The following SIPA1L1 variants were observed in gnomAD, a reference collection of about 807,000 sequenced individuals.
SIPA1L1 encodes signal induced proliferation associated 1 like 1, also known as signal-induced proliferation-associated 1-like protein 1.
SIPA1L1 carries 26 observed loss-of-function variants against 162.7 expected under a neutral mutation model. The observed-to-expected ratio is 0.16, with a 90% CI of 0.12 to 0.22. The LOEUF (loss-of-function observed/expected upper bound fraction) is 0.22, where lower values mean the gene tolerates loss of function less well. Ranked by LOEUF, SIPA1L1 falls within the 10% of genes least tolerant of loss-of-function variation. The probability of loss-of-function intolerance (pLI) is 1.00; values close to 1 mark genes in which losing one functional copy is unlikely to be tolerated. For synonymous variants in SIPA1L1, 829 were observed against 837.4 expected, an observed-to-expected ratio of 0.99 and a Z score of 0.17; for missense variants, 1,874 against 2,241.0, an observed-to-expected ratio of 0.84 and a Z score of 3.31.
chr14:71,403,339 C>A (rs1212513264), intron 2 of SIPA1L1, among the ~76,000 whole-genome samples: 1 of 152,116 alleles, frequency 6.6e-6, no homozygotes, highest in Non-Finnish European at 1.5e-5. Context: ...GTGGCTCACG[C>A]CTGTAATCCC....
intron 2 of SIPA1L1, among the ~76,000 whole-genome samples, chr14:71,492,616 G>C (rs573128780): frequency 6.6e-6 from 1 of 152,090 alleles, no homozygotes; most frequent in South Asian, 2.1e-4. Flanking sequence ...GCTCTTTAGT[G>C]GTCAGAATAT....
At chr14:71,670,479 G>A (rs149661129) in intron 10 of SIPA1L1, among the ~76,000 whole-genome samples, 5 of 152,264 alleles carry the variant, frequency 3.3e-5, no homozygotes, top group East Asian at 1.9e-4. Context: ...ATTTTAAAGC[G>A]TTGTTGCTAT....
At chr14:71,663,626 T>G (rs1405598777) in intron 10 of SIPA1L1, among the ~76,000 whole-genome samples, 1 of 152,240 alleles carries the variant, frequency 6.6e-6, no homozygotes, top group Non-Finnish European at 1.5e-5. Flanking sequence ...AGGTATGTTC[T>G]CCTTCTTCAG....
At chr14:71,735,166 C>A (rs1220024182) in intron 21 of SIPA1L1, 111 bp from the exon 22 acceptor site, 2 of 719,340 alleles carry the variant, frequency 2.8e-6, no homozygotes, top group Non-Finnish European at 5.0e-6. Context: ...CCAGTGCATC[C>A]TGCACTGGAA....
chr14:71,495,886 C>CAAAAAAAAAAAAAA (rs61183823), intron 2 of SIPA1L1, among the ~76,000 whole-genome samples: 1 of 38,006 alleles, frequency 2.6e-5, no homozygotes, highest in Admixed American at 3.7e-4. Flanking sequence ...TCCATCTCTA[C>CAAAAAAAAAAAAAA]AAAAAAAAAA....
chr14:71,473,537 G>C (rs997909737), intron 2 of SIPA1L1, among the ~76,000 whole-genome samples: 1 of 152,110 alleles, frequency 6.6e-6, no homozygotes, highest in Non-Finnish European at 1.5e-5. Context: ...ACTGTTCTTT[G>C]GTTTTTTCTT....
chr14:71,367,055 G>C (rs963980807), intron 2 of SIPA1L1, among the ~76,000 whole-genome samples: 59 of 152,072 alleles, frequency 3.9e-4, no homozygotes, highest in African/African-American at 1.3e-3. Flanking sequence ...ATGCATGTAA[G>C]TGCATAAATA....
intron 2 of SIPA1L1, among the ~76,000 whole-genome samples, chr14:71,510,206 G>A (rs1437366721): frequency 3.5e-5 from 3 of 85,830 alleles, no homozygotes; most frequent in Non-Finnish European, 6.3e-5. Context: ...TTTTTTGTGA[G>A]ATGGAGTTTC....
intron 2 of SIPA1L1, among the ~76,000 whole-genome samples, chr14:71,418,931 C>T (rs1455175263): frequency 1.3e-5 from 2 of 152,082 alleles, no homozygotes; most frequent in Non-Finnish European, 2.9e-5. Flanking sequence ...GAGAATGTAG[C>T]GTTGAATGTC....
chr14:71,595,110 A>C (rs2035883294), intron 5 of SIPA1L1, among the ~76,000 whole-genome samples: 1 of 152,178 alleles, frequency 6.6e-6, no homozygotes, highest in African/African-American at 2.4e-5. Flanking sequence ...AGCTGCTTAA[A>C]AGGGCGTGGG....
intron 2 of SIPA1L1, among the ~76,000 whole-genome samples, chr14:71,414,809 G>A (rs896350595): frequency 1.3e-5 from 2 of 152,122 alleles, no homozygotes; most frequent in African/African-American, 4.8e-5. Context: ...TTTGACTGAC[G>A]TATACTGGTA....
intron 2 of SIPA1L1, among the ~76,000 whole-genome samples, chr14:71,491,824 GC>G (rs1246377206): frequency 2.7e-5 from 1 of 37,132 alleles, no homozygotes; most frequent in East Asian, 1.1e-3. Flanking sequence ...CCCTTCCCCC[GC>G]CCCCCCACAT....
intron 2 of SIPA1L1, among the ~76,000 whole-genome samples, chr14:71,468,150 A>AG (rs1214152500): frequency 6.6e-6 from 1 of 152,006 alleles, no homozygotes; most frequent in African/African-American, 2.4e-5. Flanking sequence ...ACTTTCGTAG[A>AG]GTAACTTTCT....
intron 2 of SIPA1L1, among the ~76,000 whole-genome samples, chr14:71,470,357 C>T (rs974894329): frequency 1.3e-5 from 2 of 152,210 alleles, no homozygotes; most frequent in Non-Finnish European, 2.9e-5. Context: ...TGGACAACCT[C>T]ACTTTTAATT....
intron 4 of SIPA1L1, chr14:71,574,365 T>C (rs2032634263): frequency 6.6e-6 from 1 of 152,454 alleles, no homozygotes; most frequent in Non-Finnish European, 1.5e-5. Context: ...ACCCGGTGCA[T>C]TCAAGAAATT....
intron 2 of SIPA1L1, among the ~76,000 whole-genome samples, chr14:71,402,463 C>G (rs2140065119): frequency 6.6e-6 from 1 of 152,070 alleles, no homozygotes; most frequent in African/African-American, 2.4e-5. Context: ...ATTCTCTTGC[C>G]TCAGCCTCCT....
At chr14:71,438,116 T>A (rs1215842361) in intron 2 of SIPA1L1, among the ~76,000 whole-genome samples, 1 of 152,212 alleles carries the variant, frequency 6.6e-6, no homozygotes, top group Admixed American at 6.5e-5. Flanking sequence ...ACTTTTAATT[T>A]GATTCTCTAC....
intron 2 of SIPA1L1, among the ~76,000 whole-genome samples, chr14:71,357,168 C>T (rs2037356831): frequency 6.6e-6 from 1 of 152,108 alleles, no homozygotes; most frequent in African/African-American, 2.4e-5. Flanking sequence ...TTAGGTGATC[C>T]TCCCCTTCAG....
At chr14:71,358,792 G>A (rs576089470) in intron 2 of SIPA1L1, among the ~76,000 whole-genome samples, 12 of 152,314 alleles carry the variant, frequency 7.9e-5, no homozygotes, top group African/African-American at 2.9e-4. Context: ...GCAGAGGGAA[G>A]CAGGCACGTC....
Sources: gnomAD v4.1 joint callset for allele counts (sites outside exome capture counted in the v4.1 genomes callset) on GRCh38, gnomAD v4.1.1 for gene constraint, MANE v1.5 for transcripts, NCBI Gene and HGNC (gene_info 2026-07-23, HGNC 2026-07-21) for gene names.